Variants in ENKUR observed in about 807,000 individuals in gnomAD.
ENKUR encodes enkurin.
In ENKUR, 19 loss-of-function variants were observed where a neutral mutation model predicts 27.6. The ratio of observed to expected loss-of-function variants is 0.69; its 90% confidence interval spans 0.48 to 1.01. The LOEUF (loss-of-function observed/expected upper bound fraction) is 1.01. ENKUR is among the 50% of genes least tolerant of loss of function. ENKUR has a pLI of 0.00. For synonymous variants in ENKUR, 117 were observed against 96.9 expected (o/e 1.21, Z -1.22); for missense variants, 312 against 310.5 (o/e 1.00, Z -0.04).
At chr10:25,033,709 T>C (rs1317972707) in intron 2 of ENKUR, among the ~76,000 whole-genome samples, 1 of 151,488 alleles carries the variant, frequency 6.6e-6, no homozygotes, top group Admixed American at 6.6e-5. Flanking sequence ...TTTTGAAAAA[T>C]CAAGAAAAAA....
At chr10:25,036,188 C>T (rs1187723048) in intron 2 of ENKUR, among the ~76,000 whole-genome samples, 2 of 152,070 alleles carry the variant, frequency 1.3e-5, no homozygotes, top group African/African-American at 2.4e-5. Context: ...GTAGGAGGGA[C>T]CTGGTGGGAG....
rs1192133316 is a variant in ENKUR, at chr10:24,983,255, G to A, written c.*1115C>T. The A allele has an allele frequency of 6.6e-6, 1 of 152,138 alleles. No homozygotes were observed. The highest frequency in any genetic ancestry group is 2.4e-5 in the African/African-American group (1 of 41,412). The allele number at this position is 152,138 out of a possible 1,614,324, so 9.4% of individuals were successfully genotyped here. On this transcript the variant is annotated 3_prime_UTR_variant, in exon 6 of 6. Transcript: ENST00000331161. Reference sequence around the variant, plus strand: ...TAAAGCAACTTAAGTTGCTTACTTAGCGATGCAAACGGGAATGATATGCAT... The same window carrying A: ...TAAAGCAACTTAAGTTGCTTACTTAACGATGCAAACGGGAATGATATGCAT...
rs760415175 is a variant in ENKUR at position 25,023,398 on chromosome 10, A to C, written c.38-27529T>G. 2.5e-6 allele frequency: 4 copies of C among 1,614,058 alleles called. No individual in the cohort carries two copies. In the Admixed American group the frequency reaches 6.7e-5, roughly 27 times the overall value. On this transcript the variant is annotated intron_variant, in intron 2 of 5. Transcript: ENST00000615958. ...CTCTCTTGTTGGAGACAAAAATATT[A>C]TCCTGATGGGACCTCCTGGTGCTGG...
intron 2 of ENKUR, among the ~76,000 whole-genome samples, chr10:25,046,729 TG>T (rs1379941278): frequency 6.6e-6 from 1 of 152,224 alleles, no homozygotes; most frequent in Non-Finnish European, 1.5e-5. Context: ...AAAATAATCT[TG>T]TTTCATAAAA....
chr10:24,987,683 C>T (rs577046152), intron 4 of ENKUR, among the ~76,000 whole-genome samples: 1 of 152,176 alleles, frequency 6.6e-6, no homozygotes, highest in African/African-American at 2.4e-5. Flanking sequence ...AAGTAGCCTC[C>T]CTTTGTTACC....
At chr10:24,987,086 C>T (rs1159226399) in intron 4 of ENKUR, among the ~76,000 whole-genome samples, 1 of 152,154 alleles carries the variant, frequency 6.6e-6, no homozygotes, top group Non-Finnish European at 1.5e-5. Flanking sequence ...CACAGAAGGC[C>T]CTGGAGGGTG....
At chr10:25,048,376 G>A (rs974437370) in intron 2 of ENKUR, among the ~76,000 whole-genome samples, 4 of 152,006 alleles carry the variant, frequency 2.6e-5, no homozygotes, top group Non-Finnish European at 5.9e-5. Context: ...GCGTGGAGGC[G>A]ATATATGGGT....
rs753535559 is a variant in ENKUR at position 25,023,851 on chromosome 10, G to A, written c.38-27982C>T. On this transcript the variant is annotated intron_variant, in intron 2 of 5. Transcript: ENST00000615958. ...TTTCTGTGAAAGTGGGGCTTCCCCA[G>A]AGGAGGTAGCTGACAAAGTGCTGAA... 4.3e-6 allele frequency: 7 copies of A among 1,614,100 alleles called. No homozygotes were observed. In the East Asian group the frequency reaches 1.1e-4, roughly 26 times the overall value.
intron 2 of ENKUR, among the ~76,000 whole-genome samples, chr10:25,052,499 G>A (rs554315234): frequency 6.6e-6 from 1 of 152,284 alleles, no homozygotes; most frequent in East Asian, 1.9e-4. Flanking sequence ...TACTAGAGGC[G>A]GGGCTCAGTG....
chr10:25,027,539 CAAAA>C (rs34834135), intron 2 of ENKUR, among the ~76,000 whole-genome samples: 2 of 100,112 alleles, frequency 2.0e-5, no homozygotes, highest in Non-Finnish European at 2.0e-5. Flanking sequence ...ACTCCGTCTC[CAAAA>C]AAAAAAAAAA....
chr10:25,033,825 G>GTATCTA (rs912241465), intron 2 of ENKUR, among the ~76,000 whole-genome samples: 3 of 148,732 alleles, frequency 2.0e-5, no homozygotes, highest in East Asian at 2.0e-4. Context: ...GTGTGTGTGT[G>GTATCTA]TCTATCTATC....
chr10:25,012,855 A>T (rs1270081360), intron 1 of ENKUR, among the ~76,000 whole-genome samples: 7 of 152,176 alleles, frequency 4.6e-5, no homozygotes, highest in Non-Finnish European at 1.0e-4. Context: ...AAATGTGAGG[A>T]CATGAGATCT....
intron 1 of ENKUR, among the ~76,000 whole-genome samples, chr10:25,004,424 A>G (rs536166170): frequency 6.6e-6 from 1 of 151,742 alleles, no homozygotes. Flanking sequence ...TTTCTCCACA[A>G]CCTCACCAGT....
chr10:25,043,299 T>C (rs1378861973), intron 2 of ENKUR, among the ~76,000 whole-genome samples: 1 of 152,196 alleles, frequency 6.6e-6, no homozygotes, highest in Non-Finnish European at 1.5e-5. Context: ...TATAAGAAGA[T>C]GTAATGGAAT....
At chr10:25,025,206 T>G (rs746294581) in intron 2 of ENKUR, 2 of 1,614,208 alleles carry the variant, frequency 1.2e-6, no homozygotes, top group East Asian at 4.5e-5. Flanking sequence ...GCCCTGTGAT[T>G]ATCTCATCTA....
Position 24,999,555 on chromosome 10 carries a change from G to T in ENKUR, c.78-9C>A. The stretch of plus-strand genomic sequence containing the variant: ...TAAAAATGGATATGTACCTAAAATT[G>T]AATTTTAAAAGTTGTAGCATTTATA... On this transcript the variant is annotated splice_polypyrimidine_tract_variant and intron_variant, in intron 1 of 5. Coordinates refer to ENST00000331161, the MANE Select transcript of ENKUR (RefSeq NM_145010.4). 6.3e-7 allele frequency: 1 copy of T among 1,593,864 alleles called. No homozygotes were observed. The highest frequency in any genetic ancestry group is 1.2e-5 in the South Asian group (1 of 86,012).
chr10:25,028,119 G>A (rs1850890185), intron 2 of ENKUR, among the ~76,000 whole-genome samples: 1 of 152,168 alleles, frequency 6.6e-6, no homozygotes, highest in Admixed American at 6.5e-5. Context: ...TGAAAAGGAA[G>A]GGGGAAAACA....
At chr10:25,024,535 G>T (rs755333910) in intron 2 of ENKUR, 1 of 1,614,166 alleles carries the variant, frequency 6.2e-7, no homozygotes, top group Non-Finnish European at 8.5e-7. Context: ...GTCAGATTTT[G>T]ATTTTTGCCA....
At chr10:25,056,300 T>C (rs1484394447) in intron 2 of ENKUR, among the ~76,000 whole-genome samples, 2 of 152,224 alleles carry the variant, frequency 1.3e-5, no homozygotes, top group African/African-American at 4.8e-5. Context: ...ACCTGCCTCA[T>C]ACCCCAGAAG....
Sources: gnomAD v4.1 joint callset for allele counts (sites outside exome capture counted in the v4.1 genomes callset) on GRCh38, gnomAD v4.1.1 for gene constraint, MANE v1.5 for transcripts, NCBI Gene and HGNC (gene_info 2026-07-23, HGNC 2026-07-21) for gene names.